Variants in UBE2E2 observed in about 807,000 individuals in gnomAD.
The protein encoded by UBE2E2 is ubiquitin-conjugating enzyme E2 E2.
UBE2E2 carries 6 observed loss-of-function variants against 24.7 expected under a neutral mutation model. The observed-to-expected ratio is 0.24, with a 90% CI of 0.13 to 0.48. UBE2E2 has a LOEUF of 0.48. Among genes scored for constraint, UBE2E2 ranks in the 20% least tolerant of loss-of-function variants. UBE2E2 has a pLI of 0.99. For synonymous variants in UBE2E2, 104 were observed against 83.6 expected (o/e 1.24, Z -1.33); for missense variants, 169 against 245.0 (o/e 0.69, Z 2.07).
intron 4 of UBE2E2, among the ~76,000 whole-genome samples, chr3:23,500,595 A>G (rs1419937589): frequency 6.6e-5 from 10 of 152,202 alleles, no homozygotes; most frequent in Non-Finnish European, 1.3e-4. Flanking sequence ...TAACGTCACA[A>G]TGCACAGGGA....
chr3:23,537,139 G>A (rs1695284800), intron 5 of UBE2E2, among the ~76,000 whole-genome samples: 1 of 152,128 alleles, frequency 6.6e-6, no homozygotes, highest in Non-Finnish European at 1.5e-5. Context: ...CTCTTGAAGG[G>A]AATCATCTGG....
intron 2 of UBE2E2, among the ~76,000 whole-genome samples, chr3:23,211,991 A>G (rs141691911): frequency 2.0e-5 from 3 of 152,312 alleles, no homozygotes; most frequent in African/African-American, 7.2e-5. Context: ...CAGATGCCGT[A>G]ATTAAATACA....
chr3:23,405,521 C>T (rs1479751509), intron 3 of UBE2E2, among the ~76,000 whole-genome samples: 1 of 152,056 alleles, frequency 6.6e-6, no homozygotes, highest in Non-Finnish European at 1.5e-5. Flanking sequence ...TGACTTTTTT[C>T]AGGTAATTTT....
At chr3:23,272,411 G>C (rs1698268865) in intron 3 of UBE2E2, among the ~76,000 whole-genome samples, 1 of 148,720 alleles carries the variant, frequency 6.7e-6, no homozygotes, top group Non-Finnish European at 1.5e-5. Flanking sequence ...GCAAGCAGAG[G>C]GGGCTGGCTC....
At chr3:23,265,233 A>C (rs1486896027) in intron 3 of UBE2E2, among the ~76,000 whole-genome samples, 2 of 152,202 alleles carry the variant, frequency 1.3e-5, no homozygotes, top group Non-Finnish European at 2.9e-5. Context: ...TGATGCTGCA[A>C]GGTGAGTATG....
At chr3:23,257,443 A>G (rs532849372) in intron 3 of UBE2E2, among the ~76,000 whole-genome samples, 88 of 148,694 alleles carry the variant, frequency 5.9e-4, no homozygotes, top group African/African-American at 2.1e-3. Context: ...TACTTAAGCA[A>G]GATGAAGCTC....
At chr3:23,267,879 T>C (rs1698094914) in intron 3 of UBE2E2, among the ~76,000 whole-genome samples, 1 of 150,504 alleles carries the variant, frequency 6.6e-6, no homozygotes, top group East Asian at 1.9e-4. Context: ...GCTTCATCCC[T>C]GGGATGCAAG....
intron 3 of UBE2E2, among the ~76,000 whole-genome samples, chr3:23,315,036 T>G (rs1017126283): frequency 6.6e-6 from 1 of 152,208 alleles, no homozygotes; most frequent in Non-Finnish European, 1.5e-5. Context: ...TTGAATAAAC[T>G]TTCTACCTCT....
intron 4 of UBE2E2, among the ~76,000 whole-genome samples, chr3:23,504,238 C>T (rs1181373827): frequency 6.6e-6 from 1 of 152,090 alleles, no homozygotes; most frequent in Non-Finnish European, 1.5e-5. Context: ...CATCCCGTGC[C>T]ATATATTATA....
chr3:23,502,108 T>C (rs1042512060), intron 4 of UBE2E2, among the ~76,000 whole-genome samples: 4 of 152,298 alleles, frequency 2.6e-5, no homozygotes, highest in Admixed American at 2.0e-4. Flanking sequence ...ACAAATACTC[T>C]TATTATTAAT....
chr3:23,393,992 A>G (rs1697014417), intron 3 of UBE2E2, among the ~76,000 whole-genome samples: 1 of 152,200 alleles, frequency 6.6e-6, no homozygotes, highest in South Asian at 2.1e-4. Context: ...AAATATTGCT[A>G]ACACCTGCCT....
intron 3 of UBE2E2, among the ~76,000 whole-genome samples, chr3:23,311,779 T>C (rs1043207722): frequency 3.9e-4 from 59 of 152,198 alleles, no homozygotes; most frequent in African/African-American, 1.3e-3. Context: ...TATATATATT[T>C]ATGGGATACA....
At chr3:23,303,369 C>G (rs1445836972) in intron 3 of UBE2E2, among the ~76,000 whole-genome samples, 1 of 152,146 alleles carries the variant, frequency 6.6e-6, no homozygotes, top group Non-Finnish European at 1.5e-5. Context: ...CCACTCCCCT[C>G]AACCCGGGTG....
At chr3:23,413,760 G>T (rs115388398) in intron 3 of UBE2E2, among the ~76,000 whole-genome samples, 1,877 of 152,102 alleles carry the variant, frequency 0.012, 29 homozygotes, top group African/African-American at 0.041. Flanking sequence ...CCTAATACAC[G>T]GTAAGCTCTA....
chr3:23,306,127 C>T (rs1433315683), intron 3 of UBE2E2, among the ~76,000 whole-genome samples: 1 of 152,112 alleles, frequency 6.6e-6, no homozygotes, highest in South Asian at 2.1e-4. Flanking sequence ...CCTACGTGGC[C>T]ACTGAAATAT....
At chr3:23,481,045 A>G (rs1395806731) in intron 3 of UBE2E2, among the ~76,000 whole-genome samples, 1 of 152,244 alleles carries the variant, frequency 6.6e-6, no homozygotes, top group Non-Finnish European at 1.5e-5. Context: ...TAGCAAATAT[A>G]TGAAGTATCA....
At chr3:23,555,734 G>A (rs1013473650) in intron 5 of UBE2E2, among the ~76,000 whole-genome samples, 5 of 152,156 alleles carry the variant, frequency 3.3e-5, no homozygotes, top group Admixed American at 3.3e-4. Flanking sequence ...GCCATTTACT[G>A]AAACATGGAA....
At chr3:23,545,770 C>T (rs527366375) in intron 5 of UBE2E2, among the ~76,000 whole-genome samples, 17 of 152,022 alleles carry the variant, frequency 1.1e-4, no homozygotes, top group Non-Finnish European at 2.1e-4. Context: ...TCTAAGTGCC[C>T]GTCAACCGAT....
chr3:23,254,456 C>T (rs1323779580), intron 3 of UBE2E2, among the ~76,000 whole-genome samples: 1 of 152,066 alleles, frequency 6.6e-6, no homozygotes, highest in Non-Finnish European at 1.5e-5. Context: ...AGAAGCTGGT[C>T]CAGGCTAGTT....
Sources: gnomAD v4.1 joint callset for allele counts (sites outside exome capture counted in the v4.1 genomes callset) on GRCh38, gnomAD v4.1.1 for gene constraint, MANE v1.5 for transcripts, NCBI Gene and HGNC (gene_info 2026-07-23, HGNC 2026-07-21) for gene names.